TRAPPC8: variants seen among roughly 807,000 people sequenced by gnomAD.
TRAPPC8 encodes general sporulation gene 1 homolog.
Under a neutral mutation model 174.3 loss-of-function variants are expected in TRAPPC8, and 54 were observed. That is an observed-to-expected ratio of 0.31 (90% CI 0.25 to 0.39). TRAPPC8 has a LOEUF of 0.39. Among genes scored for constraint, TRAPPC8 ranks in the 10% least tolerant of loss-of-function variants. TRAPPC8 has a pLI of 1.00. For synonymous variants in TRAPPC8, 630 were observed against 579.9 expected, an observed-to-expected ratio of 1.09 and a Z score of -1.24; for missense variants, 1,531 against 1,699.1, an observed-to-expected ratio of 0.90 and a Z score of 1.74.
chr18:31,908,161 A>G, intron 8 of TRAPPC8, 142 bp downstream of exon 8: 1 of 455,946 alleles, frequency 2.2e-6, no homozygotes, highest in Non-Finnish European at 3.8e-6. Context: ...GATTTACTTG[A>G]GTCACTCTTC....
chr18:31,924,041 T>C (rs538783953), intron 2 of TRAPPC8, among the ~76,000 whole-genome samples: 4 of 152,220 alleles, frequency 2.6e-5, no homozygotes, highest in South Asian at 2.1e-4. Flanking sequence ...CCCAGCACTT[T>C]AGGAGGCTGA....
At chr18:31,831,170 A>T (rs1039162919) in intron 28 of TRAPPC8, among the ~76,000 whole-genome samples, 181 bp from the exon 29 acceptor site, 3 of 152,130 alleles carry the variant, frequency 2.0e-5, no homozygotes, top group Admixed American at 2.0e-4. Context: ...CTACCAACAT[A>T]ATGAAGCCCC....
At chr18:31,891,007 G>C in intron 11 of TRAPPC8, 141 bp from the exon 12 acceptor site, 2 of 620,078 alleles carry the variant, frequency 3.2e-6, no homozygotes, top group Non-Finnish European at 4.6e-6. Flanking sequence ...AAGATCAAGG[G>C]GAAAACCAAT....
chr18:31,931,902 G>C (rs1046293375), intron 1 of TRAPPC8, among the ~76,000 whole-genome samples: 1 of 152,088 alleles, frequency 6.6e-6, no homozygotes, highest in Non-Finnish European at 1.5e-5. Flanking sequence ...AACAGTAAAA[G>C]GAAAAAGAAA....
At chr18:31,921,045 A>C (rs907165553) in intron 2 of TRAPPC8, among the ~76,000 whole-genome samples, 1 of 151,972 alleles carries the variant, frequency 6.6e-6, no homozygotes, top group African/African-American at 2.4e-5. Context: ...TGGCCTAACC[A>C]TTAAAAAGAT....
At position 31,839,463 on chromosome 18, in the gene TRAPPC8, A is replaced by G; in HGVS notation, c.3838-6T>C. On this transcript the variant is annotated splice_polypyrimidine_tract_variant and splice_region_variant and intron_variant, in intron 26 of 28. Transcript: ENST00000283351. ...AGTTCCATTTCTGGTGGCTCCTGAG[A>G]AAAGAAAGAAAAAACATATGACAAT... The G allele has an allele frequency of 1.9e-6, 3 of 1,580,914 alleles. No individual in the cohort carries two copies. The highest frequency in any genetic ancestry group is 2.6e-6 in the Non-Finnish European group (3 of 1,170,560).
intron 21 of TRAPPC8, 37 bp from the exon 22 acceptor site, chr18:31,853,982 G>A (rs749358619): frequency 6.7e-7 from 1 of 1,499,050 alleles, no homozygotes; most frequent in Non-Finnish European, 9.2e-7. Flanking sequence ...TCAGGATTTA[G>A]AAGCACTAAA....
At chr18:31,862,652 T>C (rs375880730) in intron 19 of TRAPPC8, among the ~76,000 whole-genome samples, 37 of 152,206 alleles carry the variant, frequency 2.4e-4, no homozygotes, top group African/African-American at 8.2e-4. Context: ...GGACAGAATA[T>C]GGGTAGTTCA....
At chr18:31,875,521 C>T (rs1166698345) in intron 12 of TRAPPC8, among the ~76,000 whole-genome samples, 1 of 152,094 alleles carries the variant, frequency 6.6e-6, no homozygotes, top group Non-Finnish European at 1.5e-5. Flanking sequence ...GACAGCAGCA[C>T]AGTAAACACT....
chr18:31,941,821 T>C (rs1295157041), intron 1 of TRAPPC8, among the ~76,000 whole-genome samples: 1 of 152,198 alleles, frequency 6.6e-6, no homozygotes, highest in Non-Finnish European at 1.5e-5. Flanking sequence ...AGATATTGGC[T>C]AAAACATGCT....
At chr18:31,923,105 G>A (rs2037460102) in intron 2 of TRAPPC8, among the ~76,000 whole-genome samples, 1 of 152,130 alleles carries the variant, frequency 6.6e-6, no homozygotes, top group Non-Finnish European at 1.5e-5. Context: ...AAAATAAGAT[G>A]CAGCCCAAAA....
In TRAPPC8 at chr18:31,873,229, G is replaced by C. The variant is rs190793141; in HGVS notation, c.2062+201C>G. On this transcript the variant is annotated intron_variant, in intron 14 of 28. Coordinates refer to ENST00000283351, the MANE Select transcript of TRAPPC8 (RefSeq NM_014939.5). ...AGATGGGGTTTCACCATGTTAGCCA[G>C]GATGGTCTCGATCTCCTGACCTCAT... Among the ~76,000 whole-genome samples, 9 of 151,954 alleles carry C rather than the reference G, an allele frequency of 5.9e-5. No homozygotes were observed. In the East Asian group the frequency reaches 1.7e-3, roughly 29 times the overall value.
At chr18:31,913,262 C>T (rs1465943214) in intron 5 of TRAPPC8, 107 bp downstream of exon 5, 4 of 1,275,884 alleles carry the variant, frequency 3.1e-6, no homozygotes, top group Non-Finnish European at 4.2e-6. Flanking sequence ...CAGATCAAAA[C>T]TGACCAGATT....
rs117188112 is a variant in TRAPPC8 at position 31,874,717 on chromosome 18, A to C, written c.1729-13T>G. 7 of 1,605,568 alleles carry C rather than the reference A, an allele frequency of 4.4e-6. No homozygotes were observed. Among genetic ancestry groups the C allele is most frequent in the Non-Finnish European group, 5.1e-6 (6 of 1,177,044 alleles). On this transcript the variant is annotated splice_polypyrimidine_tract_variant and intron_variant, in intron 12 of 28. Transcript: ENST00000283351. ...AAGCATGCTTTTTCTGTAAGAAAAT[A>C]AACAAAATAATGTATTATACTCCAA...
chr18:31,881,533 T>TA lies in TRAPPC8; in HGVS notation c.1729-6830dup, dbSNP rs574866406. Among the ~76,000 whole-genome samples the TA allele has an allele frequency of 7.2e-5, 11 of 151,946 alleles. No individual in the cohort carries two copies. The South Asian group carries it at 1.7e-3, about 23-fold the overall frequency. ...GACTTAAAGATAAGACCTCAAAGTA[T>TA]AAAAAAATCCTAGAAGAAAACCCAG... On this transcript the variant is annotated intron_variant, in intron 12 of 28. Coordinates refer to ENST00000283351, the MANE Select transcript of TRAPPC8 (RefSeq NM_014939.5).
chr18:31,933,866 T>A (rs1393381760), intron 1 of TRAPPC8, among the ~76,000 whole-genome samples: 1 of 152,156 alleles, frequency 6.6e-6, no homozygotes, highest in East Asian at 1.9e-4. Flanking sequence ...TGTATTTATA[T>A]TGTAAACATA....
chr18:31,861,974 A>T (rs1275080834), intron 19 of TRAPPC8, among the ~76,000 whole-genome samples: 1 of 151,400 alleles, frequency 6.6e-6, no homozygotes, highest in Non-Finnish European at 1.5e-5. Flanking sequence ...GAAAAAAATC[A>T]AAGCTAGCAG....
chr18:31,865,356 A>G (rs953563460), intron 18 of TRAPPC8, among the ~76,000 whole-genome samples: 2 of 151,952 alleles, frequency 1.3e-5, no homozygotes, highest in African/African-American at 4.8e-5. Context: ...CATGTAGTGC[A>G]TGTATGTGTG....
intron 12 of TRAPPC8, among the ~76,000 whole-genome samples, chr18:31,883,964 G>A (rs2035582498): frequency 6.6e-6 from 1 of 152,174 alleles, no homozygotes; most frequent in Non-Finnish European, 1.5e-5. Flanking sequence ...TGAGGCAGGT[G>A]GATCGCCTGA....
Sources: allele counts gnomAD v4.1 joint callset (sites outside exome capture counted in the v4.1 genomes callset), GRCh38; gene constraint gnomAD v4.1.1; transcripts MANE v1.5; gene names NCBI Gene and HGNC (gene_info 2026-07-23, HGNC 2026-07-21).